Variants in PDSS2 observed in about 807,000 individuals in gnomAD.
The protein encoded by PDSS2 is decaprenyl diphosphate synthase subunit 2, also known as all trans-polyprenyl-diphosphate synthase PDSS2.
PDSS2 carries 31 observed loss-of-function variants against 44.5 expected under a neutral mutation model. The ratio of observed to expected loss-of-function variants is 0.70; its 90% CI spans 0.52 to 0.94. The LOEUF is 0.94. Ranked by LOEUF, PDSS2 falls within the 40% of genes least tolerant of loss-of-function variation. The pLI is 0.00. For missense variants in PDSS2, 452 were observed against 482.2 expected, an observed-to-expected ratio of 0.94 and a Z score of 0.59; for synonymous variants, 157 against 180.3, an observed-to-expected ratio of 0.87 and a Z score of 1.03.
chr6:107,241,454 C>G (rs571705014), intron 4 of PDSS2, among the ~76,000 whole-genome samples: 1 of 144,852 alleles, frequency 6.9e-6, no homozygotes, highest in South Asian at 2.2e-4. Context: ...TCACACCATT[C>G]TTCTGCCTCA....
At chr6:107,346,827 T>C (rs1165589239) in intron 1 of PDSS2, among the ~76,000 whole-genome samples, 1 of 152,208 alleles carries the variant, frequency 6.6e-6, no homozygotes, top group Admixed American at 6.5e-5. Flanking sequence ...TTAAAAAATA[T>C]TTTTCTCCTG....
In PDSS2 at chr6:107,383,034, G is replaced by A. The variant is rs547370970; in HGVS notation, c.297-48702C>T. 2.0e-5 allele frequency among the ~76,000 whole-genome samples: 3 copies of A among 151,928 alleles called. 1 individual carries two copies. The highest frequency in any genetic ancestry group is 7.2e-5 in the African/African-American group (3 of 41,442). The stretch of plus-strand genomic sequence containing the variant: ...ACTCAAAACAGGGCTGGGTGCAGTG[G>A]CTCACATCTGTAATCCCAACACTTT... On this transcript the variant is annotated intron_variant, in intron 1 of 7. Transcript: ENST00000369037.
intron 1 of PDSS2, among the ~76,000 whole-genome samples, chr6:107,345,784 T>G (rs1213327065): frequency 6.6e-6 from 1 of 152,138 alleles, no homozygotes; most frequent in Non-Finnish European, 1.5e-5. Context: ...GTTCAAAAAT[T>G]TTAGGAAAAT....
At position 107,198,739 on chromosome 6, in the gene PDSS2, T is replaced by C. The variant is rs532895693; in HGVS notation, c.1009-4885A>G. ...GGGAGACCAAGGCGGGCAGATCACA[T>C]GAGCACAAGAGTTTGAGATCAGCTT... is the stretch of plus-strand genomic sequence containing the variant. On this transcript the variant is annotated intron_variant, in intron 6 of 7. Coordinates refer to ENST00000369037, the MANE Select transcript of PDSS2 (RefSeq NM_020381.4). 4.8e-4 allele frequency among the ~76,000 whole-genome samples: 73 copies of C among 152,234 alleles called. 2 individuals carry two copies. Among genetic ancestry groups the C allele is most frequent in the African/African-American group, 1.7e-3 (71 of 41,546 alleles).
chr6:107,371,458 G>T (rs924423113), intron 1 of PDSS2, among the ~76,000 whole-genome samples: 2 of 152,084 alleles, frequency 1.3e-5, no homozygotes, highest in Admixed American at 1.3e-4. Context: ...GTCTCAAGTG[G>T]CAACTTGAGA....
At chr6:107,303,296 A>G (rs1036206585) in intron 2 of PDSS2, among the ~76,000 whole-genome samples, 1 of 152,174 alleles carries the variant, frequency 6.6e-6, no homozygotes, top group African/African-American at 2.4e-5. Context: ...ACACTGCTAC[A>G]CTGGGGACCA....
At chr6:107,450,058 A>G (rs183346715) in intron 1 of PDSS2, among the ~76,000 whole-genome samples, 78 of 152,350 alleles carry the variant, frequency 5.1e-4, no homozygotes, top group Non-Finnish European at 1.0e-3. Flanking sequence ...AAACACACCC[A>G]GAAGCAGAAT....
chr6:107,164,852 C>T (rs1156889062), intron 7 of PDSS2, among the ~76,000 whole-genome samples: 14 of 152,256 alleles, frequency 9.2e-5, no homozygotes, highest in African/African-American at 1.2e-4. Context: ...TCTTAATGAT[C>T]GCCATTCTAA....
At chr6:107,378,268 A>T (rs1270518942) in intron 1 of PDSS2, among the ~76,000 whole-genome samples, 1 of 150,506 alleles carries the variant, frequency 6.6e-6, no homozygotes, top group African/African-American at 2.5e-5. Context: ...ATCTTTCAGC[A>T]GGTATAATAA....
chr6:107,171,030 C>T (rs1482980894), intron 7 of PDSS2, among the ~76,000 whole-genome samples: 1 of 152,186 alleles, frequency 6.6e-6, no homozygotes, highest in African/African-American at 2.4e-5. Flanking sequence ...GCTGGAAATA[C>T]AGAGAGGAAC....
At chr6:107,290,462 T>C (rs1199836515) in intron 2 of PDSS2, among the ~76,000 whole-genome samples, 4 of 152,190 alleles carry the variant, frequency 2.6e-5, no homozygotes, top group African/African-American at 4.8e-5. Flanking sequence ...CTATCTCACT[T>C]ACTTTGGTAA....
At chr6:107,228,900 T>C (rs1460091459) in intron 4 of PDSS2, among the ~76,000 whole-genome samples, 1 of 152,118 alleles carries the variant, frequency 6.6e-6, no homozygotes, top group Non-Finnish European at 1.5e-5. Context: ...AAGTCTTTAT[T>C]TGTGAGTGAC....
At chr6:107,297,713 G>A in intron 2 of PDSS2, among the ~76,000 whole-genome samples, 1 of 151,410 alleles carries the variant, frequency 6.6e-6, no homozygotes, top group Non-Finnish European at 1.5e-5. Flanking sequence ...AAGGATGAAG[G>A]TGAGATGAAG....
At chr6:107,387,635 ACTGAAGCATAAAGGT>A (rs1196458987) in intron 1 of PDSS2, among the ~76,000 whole-genome samples, 1 of 152,250 alleles carries the variant, frequency 6.6e-6, no homozygotes, top group African/African-American at 2.4e-5. Flanking sequence ...TTAAAATAAT[ACTGAAGCATAAAGGT>A]CTGAAGGATA....
chr6:107,300,808 CAT>C (rs762783490), intron 2 of PDSS2, among the ~76,000 whole-genome samples: 23 of 152,304 alleles, frequency 1.5e-4, no homozygotes, highest in East Asian at 5.8e-4. Context: ...TGCATAAACA[CAT>C]ATTCACACAT....
In PDSS2 at chr6:107,399,570, A is replaced by G. The variant is rs145174069; in HGVS notation, c.296+59420T>C. On this transcript the variant is annotated intron_variant, in intron 1 of 7. Coordinates refer to ENST00000369037, the MANE Select transcript of PDSS2 (RefSeq NM_020381.4). ...AGTAATCCCCAAACACTGATTTCCA[A>G]CCAAGTTTACAATGGTGCATATAAA... Among the ~76,000 whole-genome samples, 281 of 152,280 alleles carry G rather than the reference A, an allele frequency of 1.8e-3. 1 individual carries two copies. Among genetic ancestry groups the G allele is most frequent in the Middle Eastern group, 0.014 (4 of 294 alleles).
At chr6:107,232,243 A>G (rs1004762525) in intron 4 of PDSS2, among the ~76,000 whole-genome samples, 1 of 152,252 alleles carries the variant, frequency 6.6e-6, no homozygotes, top group Admixed American at 6.5e-5. Flanking sequence ...ATATATTTTC[A>G]TAACACCTGT....
intron 1 of PDSS2, among the ~76,000 whole-genome samples, chr6:107,398,098 A>G (rs756794699): frequency 5.6e-4 from 86 of 152,230 alleles, no homozygotes; most frequent in Non-Finnish European, 1.0e-3. Context: ...ACCACCTGTC[A>G]AATTTGGGGA....
At position 107,153,902 on chromosome 6, in the gene PDSS2, C is replaced by G. The variant is rs1770792490; in HGVS notation, c.*717G>C. The G allele has an allele frequency of 6.6e-6, 1 of 152,296 alleles. No individual in the cohort carries two copies. The allele number at this position is 152,296 out of a possible 1,614,324, so 9.4% of individuals were successfully genotyped here. A position where few individuals can be genotyped will look rare whatever the true frequency, so the allele number is the denominator to read the frequency against. ...ACTAGCCTGACCAACATAGTGAAACCCCATCTCTACTAAAAATACAAAATT... is the reference window on the plus strand; with the variant it reads ...ACTAGCCTGACCAACATAGTGAAACGCCATCTCTACTAAAAATACAAAATT... On this transcript the variant is annotated 3_prime_UTR_variant, in exon 8 of 8. Coordinates refer to ENST00000369037, the MANE Select transcript of PDSS2 (RefSeq NM_020381.4).
Sources: allele counts gnomAD v4.1 joint callset (sites outside exome capture counted in the v4.1 genomes callset), GRCh38; gene constraint gnomAD v4.1.1; transcripts MANE v1.5; gene names NCBI Gene and HGNC (gene_info 2026-07-23, HGNC 2026-07-21).